The following AGMO variants were observed in gnomAD, a reference collection of about 807,000 sequenced individuals.
The protein encoded by AGMO is alkylglycerol monooxygenase, also known as glyceryl-ether monooxygenase.
A neutral mutation model predicts 60.2 loss-of-function variants in AGMO; 75 were observed. The ratio of observed to expected loss-of-function variants is 1.25; its 90% CI spans 1.03 to 1.51. The LOEUF (loss-of-function observed/expected upper bound fraction) is 1.51. AGMO is among the 40% of genes most tolerant of loss of function. The pLI is 0.00. For synonymous variants in AGMO, 261 were observed against 177.1 expected (o/e 1.47, Z -3.76); for missense variants, 763 against 525.5 (o/e 1.45, Z -4.42).
At chr7:15,248,311 T>C (rs997465448) in intron 12 of AGMO, among the ~76,000 whole-genome samples, 1 of 148,938 alleles carries the variant, frequency 6.7e-6, no homozygotes, top group Non-Finnish European at 1.5e-5. Flanking sequence ...CATTAATATA[T>C]AGCATACAAG....
chr7:15,510,376 C>T (rs1471633586), intron 3 of AGMO, among the ~76,000 whole-genome samples: 1 of 151,614 alleles, frequency 6.6e-6, no homozygotes, highest in Non-Finnish European at 1.5e-5. Flanking sequence ...CAGGATGGTG[C>T]CATGTTGCCC....
At chr7:15,160,254 A>G in the AGMO span, among the ~76,000 whole-genome samples, 1 of 152,250 alleles carries the variant, frequency 6.6e-6, no homozygotes, top group African/African-American at 2.4e-5. Flanking sequence ...TTCTTCATAT[A>G]CCACACAAGG....
chr7:15,207,207 C>T (rs371427602), intron 12 of AGMO, among the ~76,000 whole-genome samples: 72 of 152,272 alleles, frequency 4.7e-4, no homozygotes, highest in African/African-American at 1.6e-3. Context: ...TACTTTAATA[C>T]GGTTGGCATG....
intron 12 of AGMO, among the ~76,000 whole-genome samples, chr7:15,326,036 TATTCTC>T (rs1781329387): frequency 6.6e-6 from 1 of 152,110 alleles, no homozygotes; most frequent in African/African-American, 2.4e-5. Context: ...GCAGAGGAAA[TATTCTC>T]ATTAGAAGCA....
chr7:15,271,550 G>A (rs1256617062), intron 12 of AGMO, among the ~76,000 whole-genome samples: 1 of 152,068 alleles, frequency 6.6e-6, no homozygotes, highest in Non-Finnish European at 1.5e-5. Flanking sequence ...CATTTGTCAA[G>A]TCCAGGAGTC....
At chr7:15,382,681 G>A (rs1441541018) in intron 10 of AGMO, among the ~76,000 whole-genome samples, 2 of 152,146 alleles carry the variant, frequency 1.3e-5, no homozygotes, top group African/African-American at 4.8e-5. Flanking sequence ...CCTTTTAGAA[G>A]CGCTGCATGT....
At chr7:15,159,029 A>G in the AGMO span, among the ~76,000 whole-genome samples, 1 of 152,100 alleles carries the variant, frequency 6.6e-6, no homozygotes, top group East Asian at 1.9e-4. Context: ...TATCTCTTAT[A>G]CACATATTAG....
At chr7:15,383,163 T>A (rs942535948) in intron 10 of AGMO, among the ~76,000 whole-genome samples, 2 of 152,050 alleles carry the variant, frequency 1.3e-5, no homozygotes, top group Non-Finnish European at 2.9e-5. Flanking sequence ...TCAATTTGGG[T>A]ATTTTCACTT....
intron 4 of AGMO, among the ~76,000 whole-genome samples, chr7:15,422,137 A>G (rs1479512130): frequency 1.3e-5 from 2 of 152,296 alleles, no homozygotes; most frequent in East Asian, 1.9e-4. Context: ...AACCCAAGTT[A>G]GTAAGTTTAA....
chr7:15,547,509 C>T (rs895505930), intron 2 of AGMO, among the ~76,000 whole-genome samples: 1 of 152,114 alleles, frequency 6.6e-6, no homozygotes, highest in African/African-American at 2.4e-5. Context: ...ACTCGGGAAG[C>T]GCAAGGGGTC....
intron 3 of AGMO, among the ~76,000 whole-genome samples, chr7:15,458,213 A>G (rs1326561257): frequency 6.6e-6 from 1 of 152,154 alleles, no homozygotes; most frequent in African/African-American, 2.4e-5. Flanking sequence ...GTCTCCTCTC[A>G]CAGTTCCAAG....
At chr7:15,260,602 A>G (rs897161200) in intron 12 of AGMO, among the ~76,000 whole-genome samples, 1 of 152,158 alleles carries the variant, frequency 6.6e-6, no homozygotes, top group Non-Finnish European at 1.5e-5. Context: ...AGCACTAGAC[A>G]GGTCATCAAG....
At chr7:15,277,812 T>C (rs1402175290) in intron 12 of AGMO, among the ~76,000 whole-genome samples, 2 of 152,200 alleles carry the variant, frequency 1.3e-5, no homozygotes, top group Non-Finnish European at 2.9e-5. Flanking sequence ...GCCCCGAGTT[T>C]CCTGTTCAGT....
At chr7:15,437,082 A>C (rs1169478924) in intron 3 of AGMO, among the ~76,000 whole-genome samples, 2 of 152,204 alleles carry the variant, frequency 1.3e-5, no homozygotes, top group Admixed American at 6.5e-5. Flanking sequence ...AATTGAGCTA[A>C]GTAAATGAAA....
chr7:15,195,316 A>ATAGCTTTTTTCC, the AGMO span, among the ~76,000 whole-genome samples: 8 of 152,124 alleles, frequency 5.3e-5, no homozygotes, highest in African/African-American at 1.9e-4. Flanking sequence ...AGAAAAGAGA[A>ATAGCTTTTTTCC]TAGCTTTTTT....
intron 3 of AGMO, among the ~76,000 whole-genome samples, chr7:15,501,967 G>T (rs781716175): frequency 6.6e-6 from 1 of 151,874 alleles, no homozygotes; most frequent in Non-Finnish European, 1.5e-5. Context: ...CATCAAACTT[G>T]CCCAGAGAAT....
chr7:15,294,637 A>T (rs1181803983), intron 12 of AGMO, among the ~76,000 whole-genome samples: 2 of 151,950 alleles, frequency 1.3e-5, no homozygotes, highest in African/African-American at 4.8e-5. Flanking sequence ...ATTTGAGGCG[A>T]TGGGAAGGCT....
rs1052597622 is a variant in AGMO at position 15,338,200 on chromosome 7, T to C, written c.1263+27314A>G. On this transcript the variant is annotated intron_variant, in intron 12 of 12. Transcript: ENST00000342526. Reference sequence around the variant, plus strand: ...GGAATTCAGATAAAATAAATCATTTTAAAATATACAACTCAGTGGCATTTA... The same window carrying C: ...GGAATTCAGATAAAATAAATCATTTCAAAATATACAACTCAGTGGCATTTA... 1.5e-4 allele frequency among the ~76,000 whole-genome samples: 23 copies of C among 152,332 alleles called. No individual in the cohort carries two copies. In the East Asian group the frequency reaches 4.4e-3, roughly 29 times the overall value.
At chr7:15,373,111 A>G (rs562926618) in intron 10 of AGMO, among the ~76,000 whole-genome samples, 7 of 152,100 alleles carry the variant, frequency 4.6e-5, no homozygotes, top group Non-Finnish European at 8.8e-5. Context: ...TAAAAACACA[A>G]AAATAATACA....
Sources: allele counts gnomAD v4.1 joint callset (sites outside exome capture counted in the v4.1 genomes callset), GRCh38; gene constraint gnomAD v4.1.1; transcripts MANE v1.5; gene names NCBI Gene and HGNC (gene_info 2026-07-23, HGNC 2026-07-21).